The following TMEFF2 variants were observed in gnomAD, a reference collection of about 807,000 sequenced individuals.
The protein encoded by TMEFF2 is tomoregulin-2.
A neutral mutation model predicts 53.8 loss-of-function variants in TMEFF2; 28 were observed. The observed-to-expected ratio is 0.52, with a 90% CI of 0.39 to 0.71. TMEFF2 has a LOEUF of 0.71. Among genes scored for constraint, TMEFF2 ranks in the 30% least tolerant of loss-of-function variants. The pLI is 0.00. For synonymous variants in TMEFF2, 162 were observed against 166.3 expected, an observed-to-expected ratio of 0.97 and a Z score of 0.20; for missense variants, 353 against 455.2, an observed-to-expected ratio of 0.78 and a Z score of 2.04.
At chr2:192,054,894 A>G (rs1044706657) in intron 5 of TMEFF2, among the ~76,000 whole-genome samples, 3 of 150,650 alleles carry the variant, frequency 2.0e-5, no homozygotes, top group South Asian at 2.1e-4. Context: ...GATAGCTGAG[A>G]AAAAAAAACA....
intron 4 of TMEFF2, among the ~76,000 whole-genome samples, chr2:192,108,788 A>G (rs1226433506): frequency 6.6e-6 from 1 of 152,074 alleles, no homozygotes; most frequent in Non-Finnish European, 1.5e-5. Context: ...CAAAAGGCAG[A>G]AACAACACAA....
At position 192,082,034 on chromosome 2, in the gene TMEFF2, T is replaced by G. The variant is rs10164541; in HGVS notation, c.440-24259A>C. ...CCAGGATGGTCTTGATCTCCTGACCTCATGATCCACCCGTCTTGGCCTCCC... is the reference window on the plus strand; with the variant it reads ...CCAGGATGGTCTTGATCTCCTGACCGCATGATCCACCCGTCTTGGCCTCCC... On this transcript the variant is annotated intron_variant, in intron 4 of 9. Transcript: ENST00000272771. Among the ~76,000 whole-genome samples the G allele has an allele frequency of 4.9e-3, 745 of 152,216 alleles. 12 individuals carry two copies. The highest frequency in any genetic ancestry group is 0.017 in the African/African-American group (717 of 41,540).
chr2:192,193,547 G>A (rs1023804020), intron 1 of TMEFF2, among the ~76,000 whole-genome samples: 4 of 152,166 alleles, frequency 2.6e-5, no homozygotes, highest in African/African-American at 9.7e-5. Context: ...GCCCACTGAA[G>A]TCGGTTCCGC....
At chr2:192,098,709 T>C (rs1174696291) in intron 4 of TMEFF2, among the ~76,000 whole-genome samples, 1 of 152,186 alleles carries the variant, frequency 6.6e-6, no homozygotes, top group Non-Finnish European at 1.5e-5. Flanking sequence ...CCTGAAGATT[T>C]TCTCTCCTGG....
At chr2:192,017,643 T>C (rs528836074) in intron 5 of TMEFF2, among the ~76,000 whole-genome samples, 2 of 152,306 alleles carry the variant, frequency 1.3e-5, no homozygotes, top group East Asian at 1.9e-4. Context: ...GCTTTATAGG[T>C]TGGTGTTCTT....
chr2:191,972,100 G>A (rs1692659826), intron 7 of TMEFF2, among the ~76,000 whole-genome samples: 1 of 151,754 alleles, frequency 6.6e-6, no homozygotes, highest in African/African-American at 2.4e-5. Context: ...AGGTCAGTAA[G>A]ATCCTTACTA....
At chr2:192,102,621 T>C (rs1383699838) in intron 4 of TMEFF2, among the ~76,000 whole-genome samples, 1 of 126,328 alleles carries the variant, frequency 7.9e-6, no homozygotes, top group Non-Finnish European at 1.6e-5. Flanking sequence ...CTTTCTTTTC[T>C]TGTTCTTTTT....
At chr2:192,187,173 A>G (rs1011231065) in intron 2 of TMEFF2, among the ~76,000 whole-genome samples, 10 of 152,154 alleles carry the variant, frequency 6.6e-5, no homozygotes, top group Non-Finnish European at 2.9e-5. Flanking sequence ...AAGTTGTCCT[A>G]TCTCTTTCAC....
chr2:192,153,461 T>C (rs1419077232), intron 4 of TMEFF2, among the ~76,000 whole-genome samples: 1 of 151,890 alleles, frequency 6.6e-6, no homozygotes, highest in East Asian at 1.9e-4. Flanking sequence ...ATCTCCATTT[T>C]GTGCAGATTC....
chr2:192,087,859 T>G (rs1688701424), intron 4 of TMEFF2, among the ~76,000 whole-genome samples: 1 of 152,150 alleles, frequency 6.6e-6, no homozygotes, highest in Non-Finnish European at 1.5e-5. Flanking sequence ...ATTTTGGCTA[T>G]ACGACATTTG....
At chr2:192,128,690 C>T (rs10201490) in intron 4 of TMEFF2, among the ~76,000 whole-genome samples, 151,335 of 152,318 alleles carry the variant, frequency 0.99, 75,189 homozygotes, top group Middle Eastern at 1. Flanking sequence ...ATATGTTAAT[C>T]TTTAAAAACA....
At chr2:192,016,292 A>T (rs938473134) in intron 5 of TMEFF2, among the ~76,000 whole-genome samples, 2 of 152,256 alleles carry the variant, frequency 1.3e-5, no homozygotes, top group East Asian at 3.8e-4. Flanking sequence ...ATTGGTGAAT[A>T]CATGTCTACC....
intron 5 of TMEFF2, among the ~76,000 whole-genome samples, chr2:192,049,153 A>T (rs28495999): frequency 6.6e-6 from 1 of 151,354 alleles, no homozygotes; most frequent in Non-Finnish European, 1.5e-5. Flanking sequence ...CATTTGGTCT[A>T]TGTGTGTGTG....
In TMEFF2 at chr2:191,981,006, C is replaced by T. The variant is rs531514807; in HGVS notation, c.745+17256G>A. ...AACACTCATTCTTCATTGTTATGAC[C>T]GTAGTCTTCTAATTAATCTTGCCTA... On this transcript the variant is annotated intron_variant, in intron 7 of 9. Transcript: ENST00000272771. Among the ~76,000 whole-genome samples the T allele has an allele frequency of 4.5e-4, 68 of 152,016 alleles. 1 individual carries two copies. The highest frequency in any genetic ancestry group is 1.4e-4 in the African/African-American group (6 of 41,394).
intron 4 of TMEFF2, among the ~76,000 whole-genome samples, chr2:192,152,547 C>G (rs535768998): frequency 6.6e-6 from 1 of 151,924 alleles, no homozygotes; most frequent in Non-Finnish European, 1.5e-5. Context: ...AGATGCAAAA[C>G]TTCTTATTCA....
At chr2:192,155,171 A>G (rs1261480189) in intron 4 of TMEFF2, among the ~76,000 whole-genome samples, 2 of 151,960 alleles carry the variant, frequency 1.3e-5, no homozygotes, top group African/African-American at 2.4e-5. Context: ...ACAATAAAAT[A>G]TTTAAGATAG....
At chr2:192,070,778 G>C (rs1024747153) in intron 4 of TMEFF2, among the ~76,000 whole-genome samples, 1 of 151,916 alleles carries the variant, frequency 6.6e-6, no homozygotes, top group South Asian at 2.1e-4. Context: ...TGTCCAGATG[G>C]TTAAACCGAA....
chr2:192,097,231 T>C (rs1317117941), intron 4 of TMEFF2, among the ~76,000 whole-genome samples: 1 of 152,240 alleles, frequency 6.6e-6, no homozygotes, highest in African/African-American at 2.4e-5. Flanking sequence ...CTTACTACAT[T>C]GTGCACAGCA....
intron 4 of TMEFF2, among the ~76,000 whole-genome samples, chr2:192,061,553 A>C (rs913805854): frequency 1.4e-4 from 22 of 152,228 alleles, no homozygotes; most frequent in African/African-American, 4.8e-4. Context: ...ATTTTGGTAT[A>C]CTGTGGGGAG....
Sources: allele counts gnomAD v4.1 joint callset (sites outside exome capture counted in the v4.1 genomes callset), GRCh38; gene constraint gnomAD v4.1.1; transcripts MANE v1.5; gene names NCBI Gene and HGNC (gene_info 2026-07-23, HGNC 2026-07-21).